METTL15: variants seen among roughly 807,000 people sequenced by gnomAD.
METTL15 encodes 12S rRNA N(4)-cytidine methyltransferase METTL15.
Under a neutral mutation model 38.3 loss-of-function variants are expected in METTL15, and 34 were observed. The observed-to-expected ratio is 0.89, with a 90% CI of 0.68 to 1.18. METTL15 has a LOEUF of 1.18. Ranked by LOEUF, METTL15 falls within the 50% of genes most tolerant of loss-of-function variation. The pLI is 0.00. For synonymous variants in METTL15, 162 were observed against 170.9 expected, an observed-to-expected ratio of 0.95 and a Z score of 0.41; for missense variants, 438 against 498.4, an observed-to-expected ratio of 0.88 and a Z score of 1.15.
chr11:28,355,599 A>G, intron 4 of METTL15, among the ~76,000 whole-genome samples: 1 of 152,240 alleles, frequency 6.6e-6, no homozygotes, highest in East Asian at 1.9e-4. Context: ...TAAAAACAAT[A>G]CAGTATAACA....
At chr11:28,217,196 T>C (rs1852927105) in intron 4 of METTL15, among the ~76,000 whole-genome samples, 2 of 152,144 alleles carry the variant, frequency 1.3e-5, no homozygotes, top group Non-Finnish European at 2.9e-5. Context: ...AAAGTGTTCC[T>C]ATTTCTCCAC....
intron 6 of METTL15, among the ~76,000 whole-genome samples, chr11:28,310,917 G>GCTGC (rs1565244277): frequency 0.014 from 794 of 54,986 alleles, 7 homozygotes; most frequent in Middle Eastern, 0.027. Context: ...GCTGCTGCTG[G>GCTGC]TGGTGGTGGT....
intron 5 of METTL15, among the ~76,000 whole-genome samples, chr11:28,390,660 C>T (rs1255025469): frequency 6.6e-6 from 1 of 152,166 alleles, no homozygotes. Context: ...AGTCAGGTAG[C>T]ATGATGCCTC....
At chr11:28,194,935 A>G (rs1370783496) in intron 3 of METTL15, among the ~76,000 whole-genome samples, 2 of 151,972 alleles carry the variant, frequency 1.3e-5, no homozygotes. Flanking sequence ...TCCCTTTATA[A>G]GGGAGAACAT....
intron 4 of METTL15, among the ~76,000 whole-genome samples, chr11:28,359,099 A>G (rs778642737): frequency 1.3e-5 from 2 of 152,098 alleles, no homozygotes; most frequent in Non-Finnish European, 2.9e-5. Flanking sequence ...TCCCTACTCT[A>G]GTAGTCCCCA....
At chr11:28,336,743 A>G (rs1849904223), downstream of METTL15, among the ~76,000 whole-genome samples, 1 of 152,224 alleles carries the variant, frequency 6.6e-6, no homozygotes, top group Non-Finnish European at 1.5e-5. Context: ...GTTAACCTGC[A>G]CTGCCAGTCA....
At chr11:28,367,202 G>GAA (rs35410826) in intron 5 of METTL15, among the ~76,000 whole-genome samples, 318 of 140,142 alleles carry the variant, frequency 2.3e-3, no homozygotes, top group African/African-American at 5.9e-3. Flanking sequence ...GAGCCACTGA[G>GAA]AAAAAAAAAA....
chr11:28,497,242 T>C (rs1370331565), intron 6 of METTL15, among the ~76,000 whole-genome samples: 2 of 152,254 alleles, frequency 1.3e-5, no homozygotes, highest in African/African-American at 4.8e-5. Context: ...TTGACTCCAG[T>C]GCTTGCAAAT....
chr11:28,151,032 GA>G (rs1318731143), intron 3 of METTL15, among the ~76,000 whole-genome samples: 3 of 149,148 alleles, frequency 2.0e-5, no homozygotes, highest in Non-Finnish European at 4.5e-5. Flanking sequence ...AAAAGAAAAG[GA>G]AAAAAAGGTA....
At chr11:28,357,797 G>A (rs761127249) in intron 4 of METTL15, among the ~76,000 whole-genome samples, 10 of 151,986 alleles carry the variant, frequency 6.6e-5, no homozygotes, top group Non-Finnish European at 1.3e-4. Context: ...CATTTCTTTC[G>A]GGATTGCCTT....
intron 3 of METTL15, among the ~76,000 whole-genome samples, chr11:28,208,163 G>GT (rs1199160971): frequency 1.3e-5 from 2 of 152,046 alleles, no homozygotes; most frequent in Non-Finnish European, 2.9e-5. Context: ...TTTTGAATGT[G>GT]TTTGCTCTTG....
chr11:28,428,940 T>A (rs1293707633), intron 6 of METTL15, among the ~76,000 whole-genome samples: 6 of 152,190 alleles, frequency 3.9e-5, no homozygotes, highest in Non-Finnish European at 8.8e-5. Context: ...AATTCTCTGG[T>A]GCTGACCACC....
At chr11:28,217,023 C>T (rs550162261) in intron 4 of METTL15, among the ~76,000 whole-genome samples, 166 of 152,084 alleles carry the variant, frequency 1.1e-3, no homozygotes, top group Admixed American at 2.5e-3. Context: ...AATAAACATA[C>T]GTGTGCATGT....
intron 4 of METTL15, among the ~76,000 whole-genome samples, chr11:28,217,752 G>A (rs927543770): frequency 3.9e-5 from 6 of 152,150 alleles, no homozygotes; most frequent in Admixed American, 2.6e-4. Context: ...GTAAGGAAGG[G>A]ATCCAGTTTC....
chr11:28,123,962 C>CTCTATGTTGTTATT, intron 3 of METTL15: 1 of 1,040,468 alleles, frequency 9.6e-7, no homozygotes, highest in Non-Finnish European at 1.3e-6. Context: ...ATAATAACAA[C>CTCTATGTTGTTATT]ATAGAGTTGT....
At chr11:28,210,055 T>C (rs572582938) in intron 3 of METTL15, among the ~76,000 whole-genome samples, 1 of 152,120 alleles carries the variant, frequency 6.6e-6, no homozygotes, top group South Asian at 2.1e-4. Flanking sequence ...CTAGTTACAA[T>C]CAACTAACTT....
intron 6 of METTL15, among the ~76,000 whole-genome samples, chr11:28,314,379 A>G (rs997827988): frequency 1.3e-5 from 2 of 152,300 alleles, no homozygotes; most frequent in Admixed American, 1.3e-4. Flanking sequence ...TCTCAAGAAA[A>G]AGGCAGCACT....
intron 5 of METTL15, among the ~76,000 whole-genome samples, chr11:28,387,848 C>A (rs1044548285): frequency 6.6e-6 from 1 of 151,900 alleles, no homozygotes; most frequent in East Asian, 1.9e-4. Context: ...TGCAAATATC[C>A]CATAACCAAG....
intron 6 of METTL15, among the ~76,000 whole-genome samples, chr11:28,445,678 GT>G (rs1417316960): frequency 6.6e-6 from 1 of 151,928 alleles, no homozygotes; most frequent in East Asian, 1.9e-4. Context: ...TTGAGACAGG[GT>G]CTCGCTCTGT....
Sources: allele counts gnomAD v4.1 joint callset (sites outside exome capture counted in the v4.1 genomes callset), GRCh38; gene constraint gnomAD v4.1.1; transcripts MANE v1.5; gene names NCBI Gene and HGNC (gene_info 2026-07-23, HGNC 2026-07-21).